The following FMNL2 variants were observed in gnomAD, a reference collection of about 807,000 sequenced individuals.
The protein encoded by FMNL2 is formin-like protein 2.
In FMNL2, 51 loss-of-function variants were observed where a neutral mutation model predicts 130.2. The observed-to-expected ratio is 0.39, with a 90% CI of 0.31 to 0.49. The LOEUF (loss-of-function observed/expected upper bound fraction) is 0.49, where lower values mean the gene tolerates loss of function less well. Ranked by LOEUF, FMNL2 falls within the 20% of genes least tolerant of loss-of-function variation. The probability of loss-of-function intolerance (pLI) is 0.85; values close to 1 mark genes in which losing one functional copy is unlikely to be tolerated. For missense variants in FMNL2, 977 were observed against 1,316.2 expected (o/e 0.74, Z 3.99); for synonymous variants, 465 against 467.1 (o/e 1.00, Z 0.06).
chr2:152,589,987 A>ATATATG (rs1697322466), intron 9 of FMNL2, among the ~76,000 whole-genome samples: 1 of 55,252 alleles, frequency 1.8e-5, no homozygotes, highest in African/African-American at 7.5e-5. Context: ...ATATATATGT[A>ATATATG]TATGTATATG....
chr2:152,499,191 T>C (rs1303295338), intron 1 of FMNL2, among the ~76,000 whole-genome samples: 2 of 152,222 alleles, frequency 1.3e-5, no homozygotes, highest in African/African-American at 4.8e-5. Flanking sequence ...AGGCAGATTC[T>C]AGAGGATCAA....
chr2:152,611,347 ACC>A (rs1205449904), intron 10 of FMNL2, 146 bp from the exon 11 acceptor site: 19 of 514,274 alleles, frequency 3.7e-5, no homozygotes, highest in Middle Eastern at 1.1e-3. Context: ...TCCAAAAAAA[ACC>A]ATATATATAT....
chr2:152,645,138 T>C (rs901259302), intron 25 of FMNL2, among the ~76,000 whole-genome samples: 18 of 152,220 alleles, frequency 1.2e-4, no homozygotes, highest in African/African-American at 4.3e-4. Flanking sequence ...ATTAACAGGC[T>C]AGAAAACTGT....
At chr2:152,466,162 C>T (rs1253698165) in intron 1 of FMNL2, among the ~76,000 whole-genome samples, 2 of 152,184 alleles carry the variant, frequency 1.3e-5, no homozygotes, top group Admixed American at 1.3e-4. Context: ...GTGTGGTAAA[C>T]CATGCAGCAC....
chr2:152,343,549 A>G (rs6747312), intron 1 of FMNL2, among the ~76,000 whole-genome samples: 148,954 of 152,196 alleles, frequency 0.98, 72,966 homozygotes, highest in East Asian at 1. Context: ...ACCAGTCTTG[A>G]CATCTCAAAG....
chr2:152,490,422 A>G (rs369337032), intron 1 of FMNL2, among the ~76,000 whole-genome samples: 39 of 152,274 alleles, frequency 2.6e-4, no homozygotes, highest in African/African-American at 8.7e-4. Flanking sequence ...GTTGACTGCT[A>G]CAGTTTATGA....
chr2:152,513,334 G>A (rs568496160), intron 1 of FMNL2, among the ~76,000 whole-genome samples: 4 of 152,196 alleles, frequency 2.6e-5, no homozygotes, highest in Admixed American at 6.5e-5. Flanking sequence ...TACCCTCTTA[G>A]CGAATGTTAA....
intron 9 of FMNL2, among the ~76,000 whole-genome samples, chr2:152,599,807 G>C (rs557353611): frequency 6.6e-6 from 1 of 152,096 alleles, no homozygotes; most frequent in African/African-American, 2.4e-5. Context: ...TTGTTTTAGC[G>C]GAGTGAGATA....
chr2:152,396,847 T>G (rs184578993), intron 1 of FMNL2, among the ~76,000 whole-genome samples: 1 of 152,314 alleles, frequency 6.6e-6, no homozygotes, highest in Non-Finnish European at 1.5e-5. Flanking sequence ...AATTCCATCA[T>G]TAAGAAAAAA....
At chr2:152,459,448 A>G (rs1689123683) in intron 1 of FMNL2, among the ~76,000 whole-genome samples, 1 of 152,240 alleles carries the variant, frequency 6.6e-6, no homozygotes, top group Non-Finnish European at 1.5e-5. Flanking sequence ...ATTTATATAC[A>G]AAATTGATTT....
intron 3 of FMNL2, among the ~76,000 whole-genome samples, chr2:152,548,477 T>C (rs12468606): frequency 0.14 from 21,989 of 152,180 alleles, 2,028 homozygotes; most frequent in South Asian, 0.23. Flanking sequence ...AGTTGCCTAT[T>C]AAACCAGCTC....
chr2:152,453,326 A>G (rs1389302183), intron 1 of FMNL2, among the ~76,000 whole-genome samples: 4 of 152,172 alleles, frequency 2.6e-5, no homozygotes, highest in Non-Finnish European at 5.9e-5. Context: ...CTTCATTAGG[A>G]GCAGTCTGCT....
chr2:152,557,847 G>A (rs928815697), intron 4 of FMNL2, among the ~76,000 whole-genome samples: 3 of 152,154 alleles, frequency 2.0e-5, no homozygotes, highest in Non-Finnish European at 2.9e-5. Flanking sequence ...GCATTTCAGC[G>A]ATAGTAGTAG....
intron 1 of FMNL2, among the ~76,000 whole-genome samples, chr2:152,424,539 C>T (rs764092524): frequency 5.9e-5 from 9 of 151,884 alleles, no homozygotes; most frequent in African/African-American, 1.7e-4. Context: ...TACAGGCGTG[C>T]GCCACCATGC....
intron 1 of FMNL2, among the ~76,000 whole-genome samples, chr2:152,424,155 G>T (rs1474012289): frequency 1.3e-5 from 2 of 152,138 alleles, no homozygotes; most frequent in African/African-American, 4.8e-5. Flanking sequence ...AAGGGAAAAT[G>T]ACCACTCTAG....
chr2:152,415,485 A>G (rs1686559761), intron 1 of FMNL2, among the ~76,000 whole-genome samples: 1 of 152,066 alleles, frequency 6.6e-6, no homozygotes, highest in Admixed American at 6.6e-5. Flanking sequence ...ACGGTGACTC[A>G]CTCTACAGAT....
chr2:152,647,751 C>A (rs752628137), intron 25 of FMNL2, 45 bp from the exon 26 acceptor site: 6 of 1,576,122 alleles, frequency 3.8e-6, no homozygotes, highest in African/African-American at 1.3e-5. Context: ...TAGACACATG[C>A]TATTAAAGGT....
At chr2:152,335,899 C>G (rs555426113) in intron 1 of FMNL2, among the ~76,000 whole-genome samples, 179 bp downstream of exon 1, 23 of 151,740 alleles carry the variant, frequency 1.5e-4, no homozygotes, top group African/African-American at 5.1e-4. Context: ...GGCAGTCCCC[C>G]GCGCTCAGTC....
chr2:152,365,964 T>C (rs1187572031), intron 1 of FMNL2, among the ~76,000 whole-genome samples: 1 of 152,146 alleles, frequency 6.6e-6, no homozygotes, highest in African/African-American at 2.4e-5. Context: ...CATAGCCAAG[T>C]GCATATACGT....
Sources: gnomAD v4.1 joint callset for allele counts (sites outside exome capture counted in the v4.1 genomes callset) on GRCh38, gnomAD v4.1.1 for gene constraint, MANE v1.5 for transcripts, NCBI Gene and HGNC (gene_info 2026-07-23, HGNC 2026-07-21) for gene names.